The following FBXO16 variants were observed in gnomAD, a reference collection of about 807,000 sequenced individuals.
FBXO16 encodes F-box protein 16, also known as F-box only protein 16.
In FBXO16, 31 loss-of-function variants were observed where a neutral mutation model predicts 41.0. That is an observed-to-expected ratio of 0.76 (90% CI 0.57 to 1.02). The LOEUF (loss-of-function observed/expected upper bound fraction) is 1.02. FBXO16 is among the 50% of genes least tolerant of loss of function. FBXO16 has a pLI of 0.00. For missense variants in FBXO16, 361 were observed against 346.2 expected (o/e 1.04, Z -0.34); for synonymous variants, 133 against 117.8 (o/e 1.13, Z -0.84).
chr8:28,443,422 G>A (rs558538064), intron 7 of FBXO16, among the ~76,000 whole-genome samples: 4 of 152,184 alleles, frequency 2.6e-5, no homozygotes, highest in African/African-American at 9.6e-5. Context: ...ATCTTCAAGT[G>A]TTCAGGTCTC....
intron 6 of FBXO16, among the ~76,000 whole-genome samples, chr8:28,451,311 G>T (rs1044989266): frequency 3.3e-5 from 5 of 151,880 alleles, no homozygotes; most frequent in African/African-American, 9.7e-5. Context: ...GAGATTTCTG[G>T]TGTGTTTGTC....
chr8:28,461,019 C>T (rs1468151675), intron 4 of FBXO16, among the ~76,000 whole-genome samples: 1 of 151,972 alleles, frequency 6.6e-6, no homozygotes, highest in African/African-American at 2.4e-5. Context: ...ACAGGCAAGC[C>T]ACTGTGCCTG....
intron 7 of FBXO16, among the ~76,000 whole-genome samples, chr8:28,431,901 C>A (rs2130071634): frequency 6.6e-6 from 1 of 152,280 alleles, no homozygotes; most frequent in Non-Finnish European, 1.5e-5. Flanking sequence ...TCTCCCCCCA[C>A]CTCATCCTTG....
At chr8:28,439,648 T>C (rs1303384927) in intron 7 of FBXO16, among the ~76,000 whole-genome samples, 1 of 151,528 alleles carries the variant, frequency 6.6e-6, no homozygotes, top group African/African-American at 2.4e-5. Context: ...GAGGCTGAGG[T>C]GGGAGGATCC....
chr8:28,446,658 G>A (rs910869955), intron 7 of FBXO16, among the ~76,000 whole-genome samples: 23 of 151,876 alleles, frequency 1.5e-4, no homozygotes, highest in African/African-American at 5.5e-4. Flanking sequence ...GATCACCTGA[G>A]GTCAAGAGTT....
rs1344856620 is a variant in FBXO16, at chr8:28,486,508, GC to G, written c.-16-3047del. Among the ~76,000 whole-genome samples, 129 of 150,304 alleles carry G rather than the reference GC, an allele frequency of 8.6e-4. 1 individual carries two copies. The highest frequency in any genetic ancestry group is 1.4e-3 in the Non-Finnish European group (95 of 66,574). The stretch of plus-strand genomic sequence containing the variant: ...CAAAGTGCTGGGATTACAGGCGTAA[GC>G]CACCGCCGCGCCTGGGCTACATTTC... On this transcript the variant is annotated intron_variant, in intron 1 of 8. Transcript: ENST00000380254.
chr8:28,447,490 G>T (rs569980765), intron 6 of FBXO16: 98 of 497,730 alleles, frequency 2.0e-4, no homozygotes, highest in African/African-American at 1.8e-3. Flanking sequence ...ATGGAAAGCA[G>T]GATGTTTCTA....
intron 7 of FBXO16, among the ~76,000 whole-genome samples, chr8:28,434,395 T>A (rs1802656442): frequency 6.6e-6 from 1 of 152,180 alleles, no homozygotes; most frequent in African/African-American, 2.4e-5. Context: ...AGCAAGTGGA[T>A]GTGGAAAATA....
At chr8:28,438,152 C>T (rs1195059229) in intron 7 of FBXO16, among the ~76,000 whole-genome samples, 1 of 151,850 alleles carries the variant, frequency 6.6e-6, no homozygotes, top group African/African-American at 2.4e-5. Context: ...CCCGTCTCTA[C>T]TAAAAATACA....
chr8:28,438,402 T>G (rs1032962792), intron 7 of FBXO16, among the ~76,000 whole-genome samples: 1 of 152,076 alleles, frequency 6.6e-6, no homozygotes, highest in Non-Finnish European at 1.5e-5. Flanking sequence ...ATGGGGACGG[T>G]CAAGGAAAAA....
chr8:28,488,867 G>A (rs1296637722), intron 1 of FBXO16, among the ~76,000 whole-genome samples: 1 of 152,046 alleles, frequency 6.6e-6, no homozygotes, highest in African/African-American at 2.4e-5. Context: ...GTCTCACCTG[G>A]CCCCACCTTC....
At chr8:28,448,490 A>G (rs866643595) in intron 6 of FBXO16, among the ~76,000 whole-genome samples, 4 of 152,340 alleles carry the variant, frequency 2.6e-5, no homozygotes, top group Middle Eastern at 3.4e-3. Flanking sequence ...TCTCAAAATC[A>G]TAAAACAAAA....
chr8:28,433,309 G>C (rs2130076037), intron 7 of FBXO16, among the ~76,000 whole-genome samples: 1 of 152,282 alleles, frequency 6.6e-6, no homozygotes, highest in East Asian at 1.9e-4. Context: ...TTTGACATTG[G>C]AATTCTCCAG....
intron 1 of FBXO16, among the ~76,000 whole-genome samples, chr8:28,487,808 C>A (rs185729172): frequency 6.6e-6 from 1 of 152,074 alleles, no homozygotes; most frequent in African/African-American, 2.4e-5. Flanking sequence ...TTTTTGTGAT[C>A]TCCTTCCCTG....
chr8:28,447,349 G>T, intron 6 of FBXO16, 76 bp from the exon 7 acceptor site: 1 of 1,230,268 alleles, frequency 8.1e-7, no homozygotes, highest in Non-Finnish European at 1.2e-6. Flanking sequence ...CTATTTGTCT[G>T]TTTGAGTTTG....
intron 7 of FBXO16, among the ~76,000 whole-genome samples, chr8:28,440,789 C>T (rs922508582): frequency 3.9e-5 from 6 of 152,136 alleles, no homozygotes; most frequent in South Asian, 2.1e-4. Context: ...TGCTCTGAAA[C>T]GGCAGGCTTT....
chr8:28,433,542 A>G (rs1443214978), intron 7 of FBXO16, among the ~76,000 whole-genome samples: 1 of 152,220 alleles, frequency 6.6e-6, no homozygotes, highest in Non-Finnish European at 1.5e-5. Flanking sequence ...CTGCCTGCCC[A>G]AGATTCCCGG....
At chr8:28,476,529 G>T (rs991969759) in intron 2 of FBXO16, among the ~76,000 whole-genome samples, 1 of 152,192 alleles carries the variant, frequency 6.6e-6, no homozygotes, top group Non-Finnish European at 1.5e-5. Flanking sequence ...ATTTTAAAGA[G>T]CTGGAAAACA....
At chr8:28,454,377 TA>T (rs1444338572) in intron 5 of FBXO16, among the ~76,000 whole-genome samples, 1 of 151,656 alleles carries the variant, frequency 6.6e-6, no homozygotes, top group Non-Finnish European at 1.5e-5. Flanking sequence ...CATATGATAA[TA>T]AAAAATAACT....
Sources: allele counts gnomAD v4.1 joint callset (sites outside exome capture counted in the v4.1 genomes callset), GRCh38; gene constraint gnomAD v4.1.1; transcripts MANE v1.5; gene names NCBI Gene and HGNC (gene_info 2026-07-23, HGNC 2026-07-21).